ARHGAP21: variants seen among roughly 807,000 people sequenced by gnomAD.
ARHGAP21 encodes the protein rho GTPase-activating protein 21.
In ARHGAP21, 38 loss-of-function variants were observed where a neutral mutation model predicts 164.6. That is an observed-to-expected ratio of 0.23 (90% confidence interval 0.18 to 0.30). The LOEUF (loss-of-function observed/expected upper bound fraction) is 0.30, where lower values mean the gene tolerates loss of function less well. Ranked by LOEUF, ARHGAP21 falls within the 10% of genes least tolerant of loss-of-function variation. The pLI, the probability that ARHGAP21 is intolerant of heterozygous loss-of-function variation, is 1.00. For synonymous variants in ARHGAP21, 766 were observed against 857.9 expected (o/e 0.89, Z 1.87); for missense variants, 1,822 against 2,370.7 (o/e 0.77, Z 4.81).
At chr10:24,698,873 G>C (rs946822307) in intron 2 of ARHGAP21, among the ~76,000 whole-genome samples, 1 of 152,036 alleles carries the variant, frequency 6.6e-6, no homozygotes, top group African/African-American at 2.4e-5. Flanking sequence ...GCTCACATAG[G>C]CTCAATGTTT....
At chr10:24,658,915 G>A (rs545811380) in intron 4 of ARHGAP21, among the ~76,000 whole-genome samples, 9 of 152,180 alleles carry the variant, frequency 5.9e-5, no homozygotes, top group African/African-American at 2.2e-4. Context: ...ATACACAAAT[G>A]GCGACAAGCA....
chr10:24,597,472 C>T lies in ARHGAP21; in HGVS notation c.3309G>A (p.Glu1103=), dbSNP rs776615700. 5.6e-6 allele frequency: 9 copies of T among 1,613,752 alleles called. No individual in the cohort carries two copies. Among genetic ancestry groups the T allele is most frequent in the Non-Finnish European group, 7.6e-6 (9 of 1,179,894 alleles). The change falls in exon 16 of 26, where the codon GAG becomes GAA. Residue 1103 remains glutamate, a synonymous_variant. Transcript: ENST00000396432. ...CTTTACTGAGAAGTTTCCTTTCCGACTCTTCCTTCGGAGAGTGTGGGCTTT... is the reference window on the plus strand; with the variant it reads ...CTTTACTGAGAAGTTTCCTTTCCGATTCTTCCTTCGGAGAGTGTGGGCTTT... The part of the protein sequence containing the change: ...KTQSPHSPKE[E]SERKLLSKDD...
chr10:24,687,172 A>G lies in ARHGAP21; in HGVS notation c.64-16775T>C, dbSNP rs1017039089. 4.6e-5 allele frequency among the ~76,000 whole-genome samples: 7 copies of G among 152,162 alleles called. No individual in the cohort carries two copies. In the East Asian group the frequency reaches 1.3e-3, roughly 29 times the overall value. Reference sequence around the variant, plus strand: ...GTGATGGAGACCCTGTCTCAAAGAAAAAAAAAGGCAGTTTCCCAGGCCCTC... The same window carrying G: ...GTGATGGAGACCCTGTCTCAAAGAAGAAAAAAGGCAGTTTCCCAGGCCCTC... On this transcript the variant is annotated intron_variant, in intron 2 of 25. Transcript: ENST00000396432.
intron 5 of ARHGAP21, 134 bp downstream of exon 5, chr10:24,634,877 A>T: frequency 1.7e-6 from 1 of 588,910 alleles, no homozygotes; most frequent in Non-Finnish European, 2.8e-6. Flanking sequence ...TCTCAAAATT[A>T]GTAACAACAG....
chr10:24,584,804 C>T lies in ARHGAP21; in HGVS notation c.5485G>A (p.Glu1829Lys). ...CGGTTTACAGCTGAAAGTTCAGATT[C>T]TCTCTCCCCGCTCTGCTCATGCACT... ...WKVHEQSGER[E>K]SELSAVNRLK... The change falls in exon 26 of 26, where the codon GAA becomes AAA. Residue 1829 changes from glutamate (E) to lysine (K), a missense_variant. By Grantham distance (56) the Glu-to-Lys change is moderately conservative (BLOSUM62 1). Transcript: ENST00000396432. 6.2e-7 allele frequency: 1 copy of T among 1,613,958 alleles called. No individual in the cohort carries two copies. The highest frequency in any genetic ancestry group is 8.5e-7 in the Non-Finnish European group (1 of 1,179,874).
At chr10:24,705,006 C>T (rs1254358532) in intron 2 of ARHGAP21, among the ~76,000 whole-genome samples, 1 of 152,044 alleles carries the variant, frequency 6.6e-6, no homozygotes, top group African/African-American at 2.4e-5. Flanking sequence ...AAGGCACATC[C>T]AAAAAAGCAC....
Position 24,619,520 on chromosome 10 carries a change from G to C in ARHGAP21, c.2375C>G (p.Ser792Trp), listed in dbSNP as rs144055293. The C allele has an allele frequency of 1.9e-6, 3 of 1,613,972 alleles. No individual in the cohort carries two copies. Among genetic ancestry groups the C allele is most frequent in the Non-Finnish European group, 2.5e-6 (3 of 1,180,032 alleles). The change falls in exon 9 of 26, where the codon TCG (serine) becomes TGG (tryptophan). Residue 792 changes from serine (S) to tryptophan (W), a missense_variant. By Grantham distance (177) the Ser-to-Trp change is radical. Transcript: ENST00000396432. ...HIKRMEERKA[S>W]STSPPGDSLA... is the part of the protein sequence containing the mutation. ...AGAATCGCCAGGCGGACTGGTACTC[G>C]AGGCTTTTCTTTCCTCCATTCTTTT... is the stretch of plus-strand genomic sequence containing the variant.
intron 2 of ARHGAP21, among the ~76,000 whole-genome samples, chr10:24,717,346 T>C (rs1295107494): frequency 6.6e-6 from 1 of 152,216 alleles, no homozygotes; most frequent in Non-Finnish European, 1.5e-5. Context: ...TTACTATGTG[T>C]CAGTCCCTGT....
Position 24,600,585 on chromosome 10 carries a change from A to ATCTT in ARHGAP21, c.3132+57_3132+60dup. Reference sequence around the variant, plus strand: ...AAAAATGATATATCATATTCCTTAGATCTTTGTAAGAAAGTGTTGTGAAAG... The same window carrying ATCTT: ...AAAAATGATATATCATATTCCTTAGATCTTTCTTTGTAAGAAAGTGTTGTGAAAG... On this transcript the variant is annotated intron_variant, in intron 14 of 25. Coordinates refer to ENST00000396432, the MANE Select transcript of ARHGAP21 (RefSeq NM_020824.4). The ATCTT allele has an allele frequency of 2.6e-6, 4 of 1,548,452 alleles. No homozygotes were observed. The South Asian group carries it at 3.7e-5, about 14-fold the overall frequency.
chr10:24,652,139 C>A (rs541793681), intron 4 of ARHGAP21, among the ~76,000 whole-genome samples: 1 of 152,102 alleles, frequency 6.6e-6, no homozygotes, highest in South Asian at 2.1e-4. Context: ...AGCTTGGAGG[C>A]TGTACAAAAA....
intron 2 of ARHGAP21, among the ~76,000 whole-genome samples, chr10:24,711,116 G>GGGAA (rs1191649348): frequency 2.1e-4 from 24 of 114,992 alleles, no homozygotes; most frequent in African/African-American, 5.1e-4. Context: ...AAAAAAAAAA[G>GGGAA]GGAAGGAAGG....
intron 7 of ARHGAP21, among the ~76,000 whole-genome samples, chr10:24,627,015 A>G (rs934454006): frequency 2.0e-5 from 3 of 152,240 alleles, no homozygotes; most frequent in African/African-American, 7.2e-5. Context: ...ATGAATTATG[A>G]AACCTATAAT....
At chr10:24,649,792 A>G (rs1204217738) in intron 4 of ARHGAP21, among the ~76,000 whole-genome samples, 1 of 152,104 alleles carries the variant, frequency 6.6e-6, no homozygotes, top group Non-Finnish European at 1.5e-5. Flanking sequence ...AAACAGATTC[A>G]AAAACTTCTG....
At chr10:24,706,582 C>T (rs2132182004) in intron 2 of ARHGAP21, 1 of 152,760 alleles carries the variant, frequency 6.5e-6, no homozygotes, top group Non-Finnish European at 1.5e-5. Flanking sequence ...GTCTAAAATC[C>T]TGAACTGGGC....
chr10:24,666,976 A>G lies in ARHGAP21; in HGVS notation c.268+9T>C. ...CATTCAGAGATAAATTAAAATGTTT[A>G]TAGCATACCTCCTCTGTTTCCATTT... On this transcript the variant is annotated intron_variant, in intron 4 of 25. Transcript: ENST00000396432. 1 of 1,431,916 alleles carries G rather than the reference A, an allele frequency of 7.0e-7. No homozygotes were observed. The highest frequency in any genetic ancestry group is 9.6e-7 in the Non-Finnish European group (1 of 1,042,412). The allele number at this position is 1,431,916 out of a possible 1,614,324, so 88.7% of individuals were successfully genotyped here.
chr10:24,600,255 A>T (rs1234166708), intron 14 of ARHGAP21, among the ~76,000 whole-genome samples: 1 of 152,166 alleles, frequency 6.6e-6, no homozygotes, highest in Non-Finnish European at 1.5e-5. Context: ...AACAAAAATC[A>T]TCAGTATCAC....
At chr10:24,679,356 G>A (rs1841556397) in intron 2 of ARHGAP21, among the ~76,000 whole-genome samples, 1 of 152,188 alleles carries the variant, frequency 6.6e-6, no homozygotes, top group African/African-American at 2.4e-5. Flanking sequence ...GTTTCCTGGG[G>A]CTTCTTTTTT....
At chr10:24,656,654 G>A (rs1839001814) in intron 4 of ARHGAP21, among the ~76,000 whole-genome samples, 1 of 113,708 alleles carries the variant, frequency 8.8e-6, no homozygotes, top group Non-Finnish European at 1.9e-5. Flanking sequence ...GAAGTGAGGA[G>A]CCCCTCTGCC....
intron 9 of ARHGAP21, among the ~76,000 whole-genome samples, chr10:24,618,039 C>T (rs532625004): frequency 2.9e-4 from 33 of 112,276 alleles, no homozygotes; most frequent in South Asian, 1.6e-3. Flanking sequence ...ACCTAGAGAC[C>T]CTGTCTCTTA....
Sources: gnomAD v4.1 joint callset for allele counts (sites outside exome capture counted in the v4.1 genomes callset) on GRCh38, gnomAD v4.1.1 for gene constraint, MANE v1.5 for transcripts, NCBI Gene and HGNC (gene_info 2026-07-23, HGNC 2026-07-21) for gene names.